The following CCT6B variants were observed in gnomAD, a reference collection of about 807,000 sequenced individuals.
CCT6B encodes the protein chaperonin containing TCP1 subunit 6B, also known as probable T-complex protein 1 subunit zeta-2.
Under a neutral mutation model 61.5 loss-of-function variants are expected in CCT6B, and 49 were observed. That is an observed-to-expected ratio of 0.80 (90% CI 0.63 to 1.01). The LOEUF (loss-of-function observed/expected upper bound fraction) is 1.01, where lower values mean the gene tolerates loss of function less well. CCT6B is among the 50% of genes least tolerant of loss of function. CCT6B has a pLI of 0.00. For synonymous variants in CCT6B, 228 were observed against 214.5 expected (o/e 1.06, Z -0.55); for missense variants, 666 against 634.7 (o/e 1.05, Z -0.53).
intron 3 of CCT6B, among the ~76,000 whole-genome samples, chr17:34,956,662 A>G (rs2142181469): frequency 6.6e-6 from 1 of 152,138 alleles, no homozygotes; most frequent in East Asian, 1.9e-4. Flanking sequence ...AAAAACTGTT[A>G]CTGGCTTGGG....
intron 5 of CCT6B, among the ~76,000 whole-genome samples, chr17:34,951,031 A>T (rs931807873): frequency 2.6e-5 from 4 of 152,208 alleles, no homozygotes; most frequent in African/African-American, 9.7e-5. Context: ...TTCCAAAATA[A>T]TTATCAAGGT....
At chr17:34,939,761 T>C (rs372023590) in intron 8 of CCT6B, 48 bp from the exon 9 acceptor site, 155 of 1,115,018 alleles carry the variant, frequency 1.4e-4, no homozygotes, top group Non-Finnish European at 2.0e-4. Context: ...AGAACATTAA[T>C]ACTAATTTCT....
At chr17:34,956,934 C>G (rs1389586864) in intron 3 of CCT6B, among the ~76,000 whole-genome samples, 1 of 148,478 alleles carries the variant, frequency 6.7e-6, no homozygotes, top group African/African-American at 2.5e-5. Context: ...CTCAGCCTCC[C>G]AAGTAGCCAG....
chr17:34,957,556 A>C (rs191305426), intron 3 of CCT6B, among the ~76,000 whole-genome samples: 2 of 152,302 alleles, frequency 1.3e-5, no homozygotes, highest in Admixed American at 1.3e-4. Context: ...ACACAACCTG[A>C]CAGTCTCCCT....
At chr17:34,960,081 A>G (rs11080318) in intron 1 of CCT6B, among the ~76,000 whole-genome samples, 2 of 152,104 alleles carry the variant, frequency 1.3e-5, no homozygotes, top group Non-Finnish European at 2.9e-5. Context: ...TGAATCTGCC[A>G]CCTTCTCTCC....
intron 2 of CCT6B, 150 bp downstream of exon 2, chr17:34,959,437 A>T (rs903477874): frequency 2.0e-4 from 114 of 556,146 alleles, no homozygotes; most frequent in Non-Finnish European, 2.8e-4. Context: ...GGCCAAAAAA[A>T]TTTTTTTATT....
intron 5 of CCT6B, chr17:34,944,333 T>C (rs1467751702): frequency 6.6e-6 from 1 of 152,394 alleles, no homozygotes; most frequent in East Asian, 1.9e-4. Context: ...TCTCTACTTG[T>C]GTACTGGATT....
chr17:34,947,328 A>G (rs192277464), intron 5 of CCT6B, among the ~76,000 whole-genome samples: 226 of 152,328 alleles, frequency 1.5e-3, no homozygotes, highest in African/African-American at 5.0e-3. Context: ...CAGAATAAAC[A>G]AAAAGAAATC....
chr17:34,942,526 G>T lies in CCT6B; in HGVS notation c.843C>A (p.Val281=), dbSNP rs116480023. Residue 281 remains valine (V), a synonymous_variant, in exon 7 of 14, where the codon GTC becomes GTA. Transcript: ENST00000314144. ...VQKIIDLKDK[V]CAQSNKGFVV... is the part of the protein sequence containing the mutation. ...CAAATCCTTTATTTGACTGAGCACA[G>T]ACTTTGTCCTTCAGGTCTATTATTT... The T allele has an allele frequency of 5.0e-6, 8 of 1,602,616 alleles. No individual in the cohort carries two copies. In the African/African-American group the frequency reaches 1.1e-4, roughly 22 times the overall value.
In CCT6B at chr17:34,961,402, C is replaced by T. The variant is rs755015572; in HGVS notation, c.-9G>A. The T allele has an allele frequency of 1.1e-5, 18 of 1,585,414 alleles. No homozygotes were observed. Among genetic ancestry groups the T allele is most frequent in the African/African-American group, 1.4e-5 (1 of 73,018 alleles). On this transcript the variant is annotated 5_prime_UTR_variant, in exon 1 of 14. Coordinates refer to ENST00000314144, the MANE Select transcript of CCT6B (RefSeq NM_006584.4). ...GCCTTTATCGCAGCCATAGCCTAAC[C>T]GTTCAGAGGGAGAAAAAAAAAAAGC...
rs1418828394 is a variant in CCT6B, at chr17:34,928,959, T to C, written c.1523+3A>G. The C allele has an allele frequency of 1.3e-6, 2 of 1,523,752 alleles. No homozygotes were observed. The highest frequency in any genetic ancestry group is 1.8e-6 in the Non-Finnish European group (2 of 1,099,006). The allele number at this position is 1,523,752 out of a possible 1,614,324, so 94.4% of individuals were successfully genotyped here. ...CTTTCACTTTATGTTCATATGAACT[T>C]ACCAAGAGTGAAGAAGTTGTTTTTT... On this transcript the variant is annotated splice_donor_region_variant and intron_variant, in intron 13 of 13. Transcript: ENST00000314144.
Position 34,959,635 on chromosome 17 carries a change from T to C in CCT6B, c.153A>G (p.Ala51=). Residue 51 remains alanine (A), a synonymous_variant, in exon 2 of 14, where the codon GCA becomes GCG. Transcript: ENST00000314144. ...CATCTTTGGTGAGTTTGATGTCACC[T>C]GCACCAGAAACAAGCCTGTTCAGAG... is the stretch of plus-strand genomic sequence containing the variant. The part of the protein sequence containing the change: ...KGTMKMLVSG[A]GDIKLTKDGN... The C allele has an allele frequency of 6.2e-6, 10 of 1,611,890 alleles. No individual in the cohort carries two copies. Among genetic ancestry groups the C allele is most frequent in the Non-Finnish European group, 8.5e-6 (10 of 1,178,042 alleles).
At chr17:34,939,738 A>T (rs775072769) in intron 8 of CCT6B, 25 bp from the exon 9 acceptor site, 5 of 1,396,828 alleles carry the variant, frequency 3.6e-6, no homozygotes, top group Non-Finnish European at 5.1e-6. Context: ...ATGTCACCAT[A>T]GCTTGATTAT....
intron 10 of CCT6B, among the ~76,000 whole-genome samples, chr17:34,934,403 T>C (rs2090072048): frequency 6.6e-6 from 1 of 152,170 alleles, no homozygotes; most frequent in South Asian, 2.1e-4. Flanking sequence ...CCATACCATT[T>C]CTTTTCCAAC....
chr17:34,928,568 G>T (rs1478688227), intron 13 of CCT6B, among the ~76,000 whole-genome samples: 2 of 152,018 alleles, frequency 1.3e-5, no homozygotes, highest in Admixed American at 1.3e-4. Context: ...CCACCGCACT[G>T]GCCCAAATGT....
chr17:34,961,168 C>A, intron 1 of CCT6B, 89 bp downstream of exon 1: 1 of 1,455,688 alleles, frequency 6.9e-7, no homozygotes, highest in South Asian at 1.4e-5. Context: ...CAAGAACATC[C>A]ACAGCGCTAC....
chr17:34,949,816 A>G (rs2090271424), intron 5 of CCT6B: 1 of 152,220 alleles, frequency 6.6e-6, no homozygotes, highest in Non-Finnish European at 1.5e-5. Context: ...ATATTTATAC[A>G]TTTCACTCAG....
chr17:34,938,082 G>A (rs1182733054), intron 10 of CCT6B, among the ~76,000 whole-genome samples: 1 of 151,840 alleles, frequency 6.6e-6, no homozygotes, highest in Admixed American at 6.6e-5. Flanking sequence ...TAGAGGCATG[G>A]TCTTGCTATG....
chr17:34,950,425 T>A (rs1197098533), intron 5 of CCT6B, among the ~76,000 whole-genome samples: 1 of 152,026 alleles, frequency 6.6e-6, no homozygotes, highest in Non-Finnish European at 1.5e-5. Context: ...AAGAAAGGCA[T>A]AAATAACACC....
Sources: gnomAD v4.1 joint callset for allele counts (sites outside exome capture counted in the v4.1 genomes callset) on GRCh38, gnomAD v4.1.1 for gene constraint, MANE v1.5 for transcripts, NCBI Gene and HGNC (gene_info 2026-07-23, HGNC 2026-07-21) for gene names.